ERI3: variants seen among roughly 807,000 people sequenced by gnomAD.
ERI3 encodes ERI1 exoribonuclease 3.
Under a neutral mutation model 44.4 loss-of-function variants are expected in ERI3, and 18 were observed. The ratio of observed to expected loss-of-function variants is 0.41; its 90% CI spans 0.28 to 0.60. The LOEUF (loss-of-function observed/expected upper bound fraction) is 0.60, where lower values mean the gene tolerates loss of function less well. ERI3 is among the 20% of genes least tolerant of loss of function. The probability of loss-of-function intolerance (pLI) is 0.36; values close to 1 mark genes in which losing one functional copy is unlikely to be tolerated. For missense variants in ERI3, 294 were observed against 435.5 expected (o/e 0.68, Z 2.89); for synonymous variants, 183 against 164.8 (o/e 1.11, Z -0.84).
chr1:44,320,879 T>C (rs1203820543), intron 3 of ERI3, among the ~76,000 whole-genome samples: 1 of 152,170 alleles, frequency 6.6e-6, no homozygotes, highest in Non-Finnish European at 1.5e-5. Context: ...GGGCCTCCAC[T>C]GCAGAGAGAA....
chr1:44,255,143 A>AT (rs1644755866), intron 7 of ERI3, among the ~76,000 whole-genome samples: 1 of 152,122 alleles, frequency 6.6e-6, no homozygotes, highest in Non-Finnish European at 1.5e-5. Flanking sequence ...GTTTTAGATT[A>AT]TTTTTAAAGT....
At chr1:44,286,885 C>T (rs1316342946) in intron 6 of ERI3, among the ~76,000 whole-genome samples, 1 of 152,180 alleles carries the variant, frequency 6.6e-6, no homozygotes, top group African/African-American at 2.4e-5. Context: ...TTATCAACTT[C>T]AAGAGTTCCT....
At chr1:44,349,832 A>G (rs1327317876) in intron 2 of ERI3, among the ~76,000 whole-genome samples, 1 of 152,350 alleles carries the variant, frequency 6.6e-6, no homozygotes, top group Middle Eastern at 3.4e-3. Flanking sequence ...AAGGTCACAT[A>G]AACACTGCTA....
intron 2 of ERI3, among the ~76,000 whole-genome samples, chr1:44,342,963 C>T (rs1473458304): frequency 7.0e-6 from 1 of 142,056 alleles, no homozygotes; most frequent in Admixed American, 7.3e-5. Flanking sequence ...CCCACCTTGG[C>T]ATCCCAAAGT....
chr1:44,281,601 A>AAATATAT (rs1460400186), intron 7 of ERI3, among the ~76,000 whole-genome samples: 3,922 of 127,630 alleles, frequency 0.031, 94 homozygotes, highest in East Asian at 0.041. Context: ...AAAAAAAAAA[A>AAATATAT]ATATATATAT....
In ERI3 at chr1:44,228,787, C is replaced by T. The variant is rs777566246; in HGVS notation, c.932-7147G>A. Among the ~76,000 whole-genome samples the T allele has an allele frequency of 1.5e-4, 23 of 152,204 alleles. No homozygotes were observed. Among genetic ancestry groups the T allele is most frequent in the Admixed American group, 2.6e-4 (4 of 15,278 alleles). On this transcript the variant is annotated intron_variant, in intron 8 of 8. Coordinates refer to ENST00000372257, the MANE Select transcript of ERI3 (RefSeq NM_024066.3). This position sits in a 1 kb window ranked among gnomAD's most constrained non-coding sequence, Gnocchi z 4.3. ...GACCAGTAAGCATAGCATCAAACCC[C>T]TTATGTCGCTTGCAGTGCATTTGGC...
chr1:44,296,306 C>T (rs184305673), intron 6 of ERI3, among the ~76,000 whole-genome samples: 4 of 152,240 alleles, frequency 2.6e-5, no homozygotes, highest in East Asian at 1.9e-4. Flanking sequence ...GCATCTGACT[C>T]CCATCCCTGG....
intron 6 of ERI3, among the ~76,000 whole-genome samples, chr1:44,294,331 A>C (rs1047055413): frequency 6.6e-6 from 1 of 152,186 alleles, no homozygotes; most frequent in African/African-American, 2.4e-5. Context: ...CTGTATATGC[A>C]TATAGCGCCT....
intron 6 of ERI3, among the ~76,000 whole-genome samples, chr1:44,296,086 T>C (rs1645605271): frequency 6.6e-6 from 1 of 152,130 alleles, no homozygotes; most frequent in Admixed American, 6.5e-5. Flanking sequence ...AGGCCCTAGA[T>C]TCCTTTATCC....
intron 1 of ERI3, 65 bp from the exon 2 acceptor site, chr1:44,352,990 G>A: frequency 3.7e-6 from 6 of 1,607,936 alleles, no homozygotes; most frequent in Non-Finnish European, 5.1e-6. Flanking sequence ...TCCCCATGAA[G>A]GATACTACAC....
intron 7 of ERI3, among the ~76,000 whole-genome samples, chr1:44,275,285 A>G (rs1239483403): frequency 6.6e-6 from 1 of 152,074 alleles, no homozygotes; most frequent in East Asian, 1.9e-4. Flanking sequence ...ACAGCCCCCA[A>G]AAAGTGAACT....
intron 2 of ERI3, among the ~76,000 whole-genome samples, chr1:44,347,031 T>C (rs1646798000): frequency 6.6e-6 from 1 of 152,102 alleles, no homozygotes; most frequent in Non-Finnish European, 1.5e-5. Flanking sequence ...GTAAGAATAT[T>C]CGCATATCAC....
chr1:44,289,233 T>C (rs901422626), intron 6 of ERI3, among the ~76,000 whole-genome samples: 2 of 152,192 alleles, frequency 1.3e-5, no homozygotes, highest in Admixed American at 6.5e-5. Flanking sequence ...GCTTCATGAA[T>C]GCAAGAGGCC....
At chr1:44,303,990 G>T (rs867865905) in intron 6 of ERI3, among the ~76,000 whole-genome samples, 1 of 152,142 alleles carries the variant, frequency 6.6e-6, no homozygotes, top group Non-Finnish European at 1.5e-5. Context: ...AACAGGATTT[G>T]GCAATTAATT....
At chr1:44,340,716 T>C (rs1380354295) in intron 2 of ERI3, among the ~76,000 whole-genome samples, 2 of 152,214 alleles carry the variant, frequency 1.3e-5, no homozygotes, top group Non-Finnish European at 2.9e-5. Flanking sequence ...GGGGATTCAG[T>C]GGAGCTAAGA....
intron 8 of ERI3, among the ~76,000 whole-genome samples, chr1:44,237,231 T>G (rs539426841): frequency 1.1e-4 from 16 of 152,236 alleles, no homozygotes; most frequent in African/African-American, 3.9e-4. Context: ...AGTGCTCACT[T>G]CACCTCCCAC....
At chr1:44,342,833 ATATATATATATATATATATATATATTT>A (rs1646694040) in intron 2 of ERI3, among the ~76,000 whole-genome samples, 6 of 27,088 alleles carry the variant, frequency 2.2e-4, no homozygotes, top group South Asian at 1.2e-3. Context: ...ATATATATAT[ATATATATATATATATATATATATATTT>A]TTTTTTTTTT....
intron 7 of ERI3, among the ~76,000 whole-genome samples, chr1:44,284,221 G>A (rs1036517227): frequency 6.6e-6 from 1 of 152,152 alleles, no homozygotes; most frequent in Non-Finnish European, 1.5e-5. Context: ...AGCCACACAT[G>A]GTCCTTGCCG....
In ERI3 at chr1:44,281,601, A is replaced by ATATATATAT. The variant is rs1553189559; in HGVS notation, c.831+3233_831+3234insATATATATA. Among the ~76,000 whole-genome samples, 373 of 127,912 alleles carry ATATATATAT rather than the reference A, an allele frequency of 2.9e-3. 1 individual carries two copies. The highest frequency in any genetic ancestry group is 8.0e-3 in the African/African-American group (239 of 29,970). The allele number at this position is 127,912 out of a possible 152,430, so 83.9% of individuals were successfully genotyped here. A position where few individuals can be genotyped will look rare whatever the true frequency, so the allele number is the denominator to read the frequency against. On this transcript the variant is annotated intron_variant, in intron 7 of 8. Transcript: ENST00000372257. ...AGACCCCGTCTCGAAAAAAAAAAAA[A>ATATATATAT]ATATATATATATATATATAATATAT...
Sources: gnomAD v4.1 joint callset for allele counts (sites outside exome capture counted in the v4.1 genomes callset) on GRCh38, gnomAD v4.1.1 for gene constraint, Gnocchi (gnomAD v3.1) non-coding constraint, MANE v1.5 for transcripts, NCBI Gene and HGNC (gene_info 2026-07-23, HGNC 2026-07-21) for gene names.